GRID1: variants seen among roughly 807,000 people sequenced by gnomAD.
The protein encoded by GRID1 is glutamate receptor ionotropic, delta-1.
A neutral mutation model predicts 98.0 loss-of-function variants in GRID1; 28 were observed. The observed-to-expected ratio is 0.29, with a 90% CI of 0.21 to 0.39. GRID1 has a LOEUF of 0.39. Among genes scored for constraint, GRID1 ranks in the 10% least tolerant of loss-of-function variants. GRID1 has a pLI of 1.00. For synonymous variants in GRID1, 553 were observed against 538.5 expected (o/e 1.03, Z -0.37); for missense variants, 1,111 against 1,340.5 (o/e 0.83, Z 2.67).
chr10:85,714,932 A>C (rs190977289), intron 12 of GRID1, among the ~76,000 whole-genome samples: 220 of 152,276 alleles, frequency 1.4e-3, no homozygotes, highest in Non-Finnish European at 2.7e-3. Flanking sequence ...CTGAATACCA[A>C]TGCAATCTTA....
At chr10:86,284,544 G>A (rs900121921) in intron 2 of GRID1, among the ~76,000 whole-genome samples, 3 of 152,222 alleles carry the variant, frequency 2.0e-5, no homozygotes, top group African/African-American at 4.8e-5. Context: ...TACCACTGCG[G>A]AGTTGAACCA....
chr10:86,245,475 CATTCCTCCTCTACCATTT>C (rs1846708892), intron 2 of GRID1, among the ~76,000 whole-genome samples: 1 of 13,692 alleles, frequency 7.3e-5, no homozygotes, highest in South Asian at 1.7e-3. Flanking sequence ...CGCTTTACTC[CATTCCTCCTCTACCATTT>C]GCTTTACTCC....
At chr10:86,143,667 C>T (rs542354170) in intron 3 of GRID1, among the ~76,000 whole-genome samples, 16 of 152,286 alleles carry the variant, frequency 1.1e-4, no homozygotes, top group African/African-American at 3.9e-4. Context: ...TGACTGAGGC[C>T]TTGTCAGGCC....
At chr10:86,358,933 C>A (rs913812142) in intron 2 of GRID1, among the ~76,000 whole-genome samples, 4 of 151,852 alleles carry the variant, frequency 2.6e-5, no homozygotes, top group African/African-American at 9.7e-5. Context: ...CCATTGCTGG[C>A]CTTGAAAATG....
intron 15 of GRID1, among the ~76,000 whole-genome samples, chr10:85,605,031 A>G (rs1842641152): frequency 6.6e-6 from 1 of 152,234 alleles, no homozygotes; most frequent in African/African-American, 2.4e-5. Context: ...AGAGAGACAG[A>G]AAGCAGCAGG....
intron 6 of GRID1, among the ~76,000 whole-genome samples, chr10:85,861,263 T>G (rs1843161489): frequency 6.6e-6 from 1 of 152,044 alleles, no homozygotes; most frequent in Non-Finnish European, 1.5e-5. Flanking sequence ...AGCTTGAGGG[T>G]CAGAGATCAA....
intron 4 of GRID1, among the ~76,000 whole-genome samples, chr10:85,976,156 C>G (rs1384928446): frequency 3.3e-5 from 5 of 152,156 alleles, no homozygotes; most frequent in Non-Finnish European, 5.9e-5. Context: ...TAATAAGAAG[C>G]ATTTATTTTC....
rs551212022 is a variant in GRID1, at chr10:86,120,413, A to C, written c.726+18406T>G. ...CAGAGGACGCCCTCACAATCCCTGT[A>C]CTTATACCTATTCTGTATTATCGTT... is the stretch of plus-strand genomic sequence containing the variant. On this transcript the variant is annotated intron_variant, in intron 4 of 15. Coordinates refer to ENST00000327946, the MANE Select transcript of GRID1 (RefSeq NM_017551.3). Among the ~76,000 whole-genome samples the C allele has an allele frequency of 3.9e-4, 59 of 152,302 alleles. 1 individual carries two copies. The highest frequency in any genetic ancestry group is 1.4e-3 in the African/African-American group (57 of 41,570).
intron 4 of GRID1, among the ~76,000 whole-genome samples, chr10:85,949,631 C>A (rs1220059631): frequency 1.3e-5 from 2 of 152,060 alleles, no homozygotes; most frequent in African/African-American, 4.8e-5. Context: ...TACATCAAAC[C>A]TTCTAGGCTT....
At chr10:86,271,802 C>A (rs1847188655) in intron 2 of GRID1, among the ~76,000 whole-genome samples, 1 of 152,036 alleles carries the variant, frequency 6.6e-6, no homozygotes, top group Admixed American at 6.6e-5. Context: ...TTCAAGTGGT[C>A]TAACATATGT....
At chr10:85,965,152 G>T (rs1398246009) in intron 4 of GRID1, among the ~76,000 whole-genome samples, 1 of 152,204 alleles carries the variant, frequency 6.6e-6, no homozygotes, top group Non-Finnish European at 1.5e-5. Flanking sequence ...TGCTGGAGAG[G>T]ATGTGGAGAA....
At chr10:86,326,027 T>C (rs1848044980) in intron 2 of GRID1, among the ~76,000 whole-genome samples, 1 of 152,224 alleles carries the variant, frequency 6.6e-6, no homozygotes, top group Admixed American at 6.5e-5. Context: ...ATACAAGAGT[T>C]CAGCAAAACT....
chr10:86,064,499 A>C (rs976435861), intron 4 of GRID1, among the ~76,000 whole-genome samples: 41 of 152,242 alleles, frequency 2.7e-4, no homozygotes, highest in African/African-American at 4.8e-5. Flanking sequence ...CCCTGAGGGC[A>C]CAGTGCCTGC....
chr10:85,849,280 C>A (rs1843035722), intron 8 of GRID1, among the ~76,000 whole-genome samples: 1 of 152,174 alleles, frequency 6.6e-6, no homozygotes, highest in African/African-American at 2.4e-5. Context: ...AATCCCTGCA[C>A]AAAGAGCAGT....
intron 12 of GRID1, among the ~76,000 whole-genome samples, chr10:85,714,206 A>G (rs183002856): frequency 2.6e-4 from 39 of 152,186 alleles, no homozygotes; most frequent in Non-Finnish European, 4.3e-4. Flanking sequence ...TTAAACAACA[A>G]GAACACATGG....
intron 4 of GRID1, among the ~76,000 whole-genome samples, chr10:86,116,704 CCCA>C (rs80336571): frequency 1.4e-4 from 22 of 152,104 alleles, no homozygotes; most frequent in Non-Finnish European, 2.5e-4. Context: ...TCAAATGCCC[CCCA>C]CCACCACCAT....
chr10:85,825,124 T>C (rs887518870), intron 8 of GRID1, among the ~76,000 whole-genome samples: 3 of 152,268 alleles, frequency 2.0e-5, no homozygotes, highest in Non-Finnish European at 4.4e-5. Flanking sequence ...CCATATTGTT[T>C]TCCATATAGG....
intron 2 of GRID1, among the ~76,000 whole-genome samples, chr10:86,290,634 C>T (rs936681336): frequency 3.4e-5 from 5 of 149,156 alleles, no homozygotes; most frequent in Non-Finnish European, 7.4e-5. Context: ...GCCTGGGCAA[C>T]AGAGCAAGAC....
chr10:85,875,899 A>T (rs1843324586), intron 5 of GRID1, among the ~76,000 whole-genome samples: 1 of 152,240 alleles, frequency 6.6e-6, no homozygotes, highest in African/African-American at 2.4e-5. Flanking sequence ...TAGAGACCTC[A>T]GACCTTATAT....
Sources: gnomAD v4.1 joint callset for allele counts (sites outside exome capture counted in the v4.1 genomes callset) on GRCh38, gnomAD v4.1.1 for gene constraint, MANE v1.5 for transcripts, NCBI Gene and HGNC (gene_info 2026-07-23, HGNC 2026-07-21) for gene names.